The following MTOR variants were observed in gnomAD, a reference collection of about 807,000 sequenced individuals.
MTOR encodes the protein serine/threonine-protein kinase mTOR.
In MTOR, 70 loss-of-function variants were observed where a neutral mutation model predicts 319.8. The observed-to-expected ratio is 0.22, with a 90% CI of 0.18 to 0.27. The LOEUF (loss-of-function observed/expected upper bound fraction) is 0.27. Among genes scored for constraint, MTOR ranks in the 10% least tolerant of loss-of-function variants. The pLI is 1.00. For synonymous variants in MTOR, 1,183 were observed against 1,211.4 expected, an observed-to-expected ratio of 0.98 and a Z score of 0.49; for missense variants, 1,890 against 3,274.4, an observed-to-expected ratio of 0.58 and a Z score of 10.32.
In MTOR at chr1:11,199,447, G is replaced by A. The variant is rs2100744794; in HGVS notation, c.4108-44C>T. On this transcript the variant is annotated intron_variant, in intron 27 of 57. Transcript: ENST00000361445. The surrounding 1 kb of genome is among the most constrained non-coding windows in gnomAD (Gnocchi z 4.5). Reference sequence around the variant, plus strand: ...TCACAGCACAGGAAAATGGCAGATGGGGCACAAACAAGAGAAGGCTGTGTG... The same window carrying A: ...TCACAGCACAGGAAAATGGCAGATGAGGCACAAACAAGAGAAGGCTGTGTG... 1 of 1,614,024 alleles carries A rather than the reference G, an allele frequency of 6.2e-7. No homozygotes were observed. Among genetic ancestry groups the A allele is most frequent in the Non-Finnish European group, 8.5e-7 (1 of 1,179,944 alleles).
Position 11,199,195 on chromosome 1 carries a change from G to A in MTOR, c.4253+63C>T. Reference sequence around the variant, plus strand: ...AAGTGACTCCAGTGAAGTGGCACCAGGCAGTGGGAGAAGAGAGGTCATTTT... The same window carrying A: ...AAGTGACTCCAGTGAAGTGGCACCAAGCAGTGGGAGAAGAGAGGTCATTTT... On this transcript the variant is annotated intron_variant, in intron 28 of 57. Coordinates refer to ENST00000361445, the MANE Select transcript of MTOR (RefSeq NM_004958.4). The surrounding 1 kb of genome is among the most constrained non-coding windows in gnomAD (Gnocchi z 4.5). 1 of 1,606,086 alleles carries A rather than the reference G, an allele frequency of 6.2e-7. No homozygotes were observed. The highest frequency in any genetic ancestry group is 8.5e-7 in the Non-Finnish European group (1 of 1,173,088).
chr1:11,140,467 C>A (rs1643643164), intron 34 of MTOR, among the ~76,000 whole-genome samples: 1 of 152,194 alleles, frequency 6.6e-6, no homozygotes, highest in Non-Finnish European at 1.5e-5. Flanking sequence ...GTGGAGCTTG[C>A]CCATCCCTCA....
Position 11,241,657 on chromosome 1 carries a change from A to G in MTOR, c.1437T>C (p.Asp479=), listed in dbSNP as rs1135172. 1,154,239 of 1,612,826 alleles carry G rather than the reference A, an allele frequency of 0.72. 421,426 individuals carry two copies. Among genetic ancestry groups the G allele is most frequent in the East Asian group, 0.86 (38,681 of 44,818 alleles). The stretch of plus-strand genomic sequence containing the variant: ...TGCTGATGCAAGTGAAGACTGTGGC[A>G]TCCACCTGCATTGCCTTCTGCCTCC... ...AHKRQKAMQV[D]ATVFTCISML... The change falls in exon 10 of 58, where the codon GAT becomes GAC. Residue 479 remains aspartate (D), a synonymous_variant. Coordinates refer to ENST00000361445, the MANE Select transcript of MTOR (RefSeq NM_004958.4).
intron 29 of MTOR, among the ~76,000 whole-genome samples, chr1:11,164,948 T>C (rs372484476): frequency 7.9e-5 from 12 of 152,244 alleles, no homozygotes; most frequent in East Asian, 3.9e-4. Context: ...GTTCAACATA[T>C]GCAAATCAAT....
chr1:11,173,575 G>A (rs749510624), intron 28 of MTOR, among the ~76,000 whole-genome samples: 10 of 152,018 alleles, frequency 6.6e-5, no homozygotes, highest in African/African-American at 9.7e-5. Flanking sequence ...GAGCCACCAC[G>A]CCCAGCCACA....
chr1:11,176,624 G>A (rs1210656506), intron 28 of MTOR, among the ~76,000 whole-genome samples: 1 of 152,194 alleles, frequency 6.6e-6, no homozygotes, highest in Non-Finnish European at 1.5e-5. Flanking sequence ...ACAGCTGATG[G>A]GGCTGTGGCA....
At chr1:11,143,028 A>C (rs1294976329) in intron 34 of MTOR, among the ~76,000 whole-genome samples, 2 of 152,196 alleles carry the variant, frequency 1.3e-5, no homozygotes, top group Non-Finnish European at 2.9e-5. Context: ...TTCCACTATA[A>C]ATGTAATGCT....
intron 3 of MTOR, among the ~76,000 whole-genome samples, chr1:11,257,566 G>A (rs1239418976): frequency 6.2e-5 from 4 of 64,836 alleles, no homozygotes; most frequent in Non-Finnish European, 8.4e-5. Context: ...CTGTCTCAGA[G>A]AAAAAAAAAA....
chr1:11,151,607 TTG>T (rs961893392), intron 30 of MTOR, among the ~76,000 whole-genome samples: 74 of 152,238 alleles, frequency 4.9e-4, no homozygotes, highest in African/African-American at 1.7e-3. Flanking sequence ...GAATGTGCAT[TTG>T]TAACAAGTTT....
intron 38 of MTOR, 171 bp downstream of exon 38, chr1:11,132,909 T>C (rs555748647): frequency 9.6e-6 from 6 of 628,212 alleles, no homozygotes; most frequent in East Asian, 2.6e-5. Flanking sequence ...ATTAAACTTG[T>C]AGGGGGAAAT....
chr1:11,150,069 G>T, intron 31 of MTOR, 57 bp downstream of exon 31: 1 of 1,495,710 alleles, frequency 6.7e-7, no homozygotes, highest in South Asian at 1.1e-5. Flanking sequence ...CTTCTGATGC[G>T]AGCCCCTAGC....
chr1:11,231,574 A>G, intron 16 of MTOR, 140 bp from the exon 17 acceptor site: 1 of 1,055,822 alleles, frequency 9.5e-7, no homozygotes, highest in Non-Finnish European at 1.3e-6. Context: ...ACTAACCATG[A>G]GCAGAAATCC....
chr1:11,214,716 C>T (rs1303076353), intron 20 of MTOR, among the ~76,000 whole-genome samples: 3 of 152,170 alleles, frequency 2.0e-5, no homozygotes, highest in African/African-American at 7.2e-5. Flanking sequence ...TCCTTTCTCT[C>T]TACTTGGAGA....
At chr1:11,182,586 C>T (rs1011601577) in intron 28 of MTOR, among the ~76,000 whole-genome samples, 4 of 152,086 alleles carry the variant, frequency 2.6e-5, no homozygotes, top group African/African-American at 9.7e-5. Flanking sequence ...TTGTAATTAC[C>T]ACCCAGACCA....
rs1246732510 is a variant in MTOR, at chr1:11,128,562, A to G, written c.5812-10T>C. ...TGAGCTGAGGTATAACCTGGTATTC[A>G]AAAAGACACAGTATGTAGCATATGA... On this transcript the variant is annotated splice_polypyrimidine_tract_variant and intron_variant, in intron 41 of 57. Transcript: ENST00000361445. This position sits in a 1 kb window ranked among gnomAD's most constrained non-coding sequence, Gnocchi z 5.3. 2 of 1,611,616 alleles carry G rather than the reference A, an allele frequency of 1.2e-6. No individual in the cohort carries two copies. Among genetic ancestry groups the G allele is most frequent in the African/African-American group, 2.7e-5 (2 of 74,880 alleles).
Position 11,199,190 on chromosome 1 carries a change from C to T in MTOR, c.4253+68G>A, listed in dbSNP as rs1326151327. On this transcript the variant is annotated intron_variant, in intron 28 of 57. Transcript: ENST00000361445. This position sits in a 1 kb window ranked among gnomAD's most constrained non-coding sequence, Gnocchi z 4.5. ...TCTTCAAGTGACTCCAGTGAAGTGG[C>T]ACCAGGCAGTGGGAGAAGAGAGGTC... is the stretch of plus-strand genomic sequence containing the variant. 17 of 1,601,002 alleles carry T rather than the reference C, an allele frequency of 1.1e-5. No individual in the cohort carries two copies. The East Asian group carries it at 3.6e-4, about 34-fold the overall frequency.
intron 19 of MTOR, among the ~76,000 whole-genome samples, chr1:11,218,429 CAA>C (rs34237271): frequency 1.6e-5 from 2 of 124,768 alleles, no homozygotes; most frequent in Non-Finnish European, 1.7e-5. Flanking sequence ...GACTCCATCT[CAA>C]AAAAAAAAAA....
chr1:11,189,802 G>A (rs1490658576), intron 28 of MTOR: 6 of 1,614,102 alleles, frequency 3.7e-6, no homozygotes, highest in Non-Finnish European at 5.1e-6. Flanking sequence ...GAGGGACTGG[G>A]TCAGCGTGGT....
chr1:11,226,622 A>C (rs911452282), intron 19 of MTOR, among the ~76,000 whole-genome samples: 7 of 151,744 alleles, frequency 4.6e-5, no homozygotes, highest in Non-Finnish European at 1.0e-4. Context: ...GAAACCCAAA[A>C]AATCAGCTGG....
Sources: allele counts gnomAD v4.1 joint callset (sites outside exome capture counted in the v4.1 genomes callset), GRCh38; gene constraint gnomAD v4.1.1; non-coding constraint Gnocchi (gnomAD v3.1); transcripts MANE v1.5; gene names NCBI Gene and HGNC (gene_info 2026-07-23, HGNC 2026-07-21).